Variants in CLUL1 observed in about 807,000 individuals in gnomAD.
CLUL1 encodes the protein clusterin like 1, also known as clusterin-like protein 1.
A neutral mutation model predicts 49.4 loss-of-function variants in CLUL1; 43 were observed. The observed-to-expected ratio is 0.87, with a 90% CI of 0.68 to 1.12. CLUL1 has a LOEUF of 1.12. Among genes scored for constraint, CLUL1 ranks in the 50% most tolerant of loss-of-function variants. CLUL1 has a pLI of 0.00. For missense variants in CLUL1, 486 were observed against 544.4 expected (o/e 0.89, Z 1.07); for synonymous variants, 192 against 184.9 (o/e 1.04, Z -0.31).
At chr18:647,411 T>A (rs2074539052) in intron 9 of CLUL1, among the ~76,000 whole-genome samples, 1 of 152,074 alleles carries the variant, frequency 6.6e-6, no homozygotes, top group African/African-American at 2.4e-5. Flanking sequence ...AAGAAATGGA[T>A]GGATACCGAC....
At chr18:612,378 G>T (rs2073160605) in intron 2 of CLUL1, among the ~76,000 whole-genome samples, 1 of 152,118 alleles carries the variant, frequency 6.6e-6, no homozygotes, top group Non-Finnish European at 1.5e-5. Flanking sequence ...CACTCCTCTT[G>T]CACTTGCTCT....
chr18:641,568 C>A, intron 8 of CLUL1, 27 bp downstream of exon 8: 1 of 1,569,362 alleles, frequency 6.4e-7, no homozygotes, highest in Non-Finnish European at 8.8e-7. Context: ...AGAGCAGATA[C>A]GGAAATGACA....
intron 7 of CLUL1, among the ~76,000 whole-genome samples, chr18:633,665 C>T (rs12962608): frequency 0.11 from 16,797 of 151,958 alleles, 1,128 homozygotes; most frequent in East Asian, 0.29. Context: ...CGCACGTGGC[C>T]CCTGCTGCTG....
intron 8 of CLUL1, among the ~76,000 whole-genome samples, chr18:643,068 G>T (rs2074385635): frequency 6.6e-6 from 1 of 152,116 alleles, no homozygotes; most frequent in Non-Finnish European, 1.5e-5. Context: ...GATCATGCCT[G>T]ATTTGAGAAA....
intron 8 of CLUL1, among the ~76,000 whole-genome samples, chr18:642,062 C>T (rs2074358441): frequency 6.6e-6 from 1 of 152,132 alleles, no homozygotes; most frequent in Non-Finnish European, 1.5e-5. Context: ...AATTATAGCT[C>T]TTATTAGTTG....
At chr18:632,797 A>T (rs2074025832) in intron 6 of CLUL1, among the ~76,000 whole-genome samples, 1 of 152,120 alleles carries the variant, frequency 6.6e-6, no homozygotes, top group African/African-American at 2.4e-5. Flanking sequence ...AGAGTGTGCA[A>T]TTTTTAATAG....
intron 7 of CLUL1, among the ~76,000 whole-genome samples, chr18:635,919 T>TA (rs1467424372): frequency 6.6e-6 from 1 of 152,060 alleles, no homozygotes; most frequent in African/African-American, 2.4e-5. Flanking sequence ...GTATTTTTAG[T>TA]AGAGATGGGG....
chr18:649,148 C>G (rs1274762614), intron 9 of CLUL1, among the ~76,000 whole-genome samples: 1 of 151,990 alleles, frequency 6.6e-6, no homozygotes, highest in African/African-American at 2.4e-5. Flanking sequence ...TCAATGCATT[C>G]AGGGTCCCAA....
In CLUL1 at chr18:645,803, AAAAAAAAATATATATATATATAT is replaced by A. The variant is rs1334492726; in HGVS notation, c.1397+708_1397+730del. On this transcript the variant is annotated intron_variant, in intron 9 of 9. Transcript: ENST00000692774. The stretch of plus-strand genomic sequence containing the variant: ...AGCGAGACTCTGTTTAAAAAAAAAA[AAAAAAAAATATATATATATATAT>A]ATATATATATATATATATATATATA... Among the ~76,000 whole-genome samples, 96 of 50,880 alleles carry A rather than the reference AAAAAAAAATATATATATATATAT, an allele frequency of 1.9e-3. 11 individuals carry two copies. Among genetic ancestry groups the A allele is most frequent in the African/African-American group, 7.4e-3 (93 of 12,612 alleles). 33.4% of individuals were successfully genotyped at this position (50,880 alleles called of 152,430 possible). A position where few individuals can be genotyped will look rare whatever the true frequency, so the allele number is the denominator to read the frequency against.
chr18:604,910 C>G (rs548885916), intron 1 of CLUL1, among the ~76,000 whole-genome samples: 1 of 152,178 alleles, frequency 6.6e-6, no homozygotes, highest in South Asian at 2.1e-4. Flanking sequence ...CCTGGTGGCT[C>G]CACCGCCCTC....
chr18:603,942 G>A (rs1010034553), intron 1 of CLUL1, among the ~76,000 whole-genome samples: 7 of 152,118 alleles, frequency 4.6e-5, no homozygotes, highest in African/African-American at 9.7e-5. Flanking sequence ...GTGCAGTGTC[G>A]TGATCTTGGC....
At chr18:640,217 C>A (rs993909367) in intron 7 of CLUL1, among the ~76,000 whole-genome samples, 1 of 151,950 alleles carries the variant, frequency 6.6e-6, no homozygotes, top group Non-Finnish European at 1.5e-5. Context: ...GACACGCAAG[C>A]CTGGGCAGCA....
chr18:609,476 A>AC (rs2143949935), intron 2 of CLUL1, among the ~76,000 whole-genome samples: 1 of 152,114 alleles, frequency 6.6e-6, no homozygotes, highest in South Asian at 2.1e-4. Context: ...TTTGACTGTG[A>AC]CCCCATCACA....
At chr18:639,196 G>A (rs540079417) in intron 7 of CLUL1, among the ~76,000 whole-genome samples, 105 of 151,982 alleles carry the variant, frequency 6.9e-4, no homozygotes, top group African/African-American at 2.3e-3. Context: ...GGAGGCCAAG[G>A]CAGGCGGATC....
intron 3 of CLUL1, 151 bp from the exon 4 acceptor site, chr18:619,062 A>G (rs1297855297): frequency 9.3e-6 from 6 of 646,930 alleles, no homozygotes; most frequent in Admixed American, 3.3e-5. Flanking sequence ...TCCATGTGGC[A>G]GCTGACAGCT....
chr18:599,963 T>A (rs1017887070), intron 1 of CLUL1, among the ~76,000 whole-genome samples: 153 of 139,946 alleles, frequency 1.1e-3, no homozygotes, highest in Admixed American at 2.6e-3. Flanking sequence ...AAAAAAAAAA[T>A]TAATAATAAT....
intron 2 of CLUL1, among the ~76,000 whole-genome samples, chr18:607,495 G>A (rs1330063602): frequency 6.6e-6 from 1 of 152,168 alleles, no homozygotes; most frequent in Non-Finnish European, 1.5e-5. Context: ...GTGTAGTGGT[G>A]CAATCACGAT....
intron 1 of CLUL1, among the ~76,000 whole-genome samples, chr18:605,321 C>T (rs2072940451): frequency 6.6e-6 from 1 of 152,070 alleles, no homozygotes; most frequent in African/African-American, 2.4e-5. Context: ...TGTACAGTCA[C>T]GGAAAGTGTC....
intron 2 of CLUL1, among the ~76,000 whole-genome samples, chr18:610,472 A>G (rs375035096): frequency 2.0e-5 from 3 of 152,120 alleles, no homozygotes; most frequent in African/African-American, 7.2e-5. Context: ...TGGGTTAGGA[A>G]CTGTTGAAAC....
Sources: allele counts gnomAD v4.1 joint callset (sites outside exome capture counted in the v4.1 genomes callset), GRCh38; gene constraint gnomAD v4.1.1; transcripts MANE v1.5; gene names NCBI Gene and HGNC (gene_info 2026-07-23, HGNC 2026-07-21).